DNAJC10: variants seen among roughly 807,000 people sequenced by gnomAD.
DNAJC10 encodes the protein DnaJ heat shock protein family (Hsp40) member C10.
DNAJC10 carries 101 observed loss-of-function variants against 115.0 expected under a neutral mutation model. That is an observed-to-expected ratio of 0.88 (90% CI 0.75 to 1.04). The LOEUF (loss-of-function observed/expected upper bound fraction) is 1.04, where lower values mean the gene tolerates loss of function less well. Among genes scored for constraint, DNAJC10 ranks in the 50% least tolerant of loss-of-function variants. The pLI is 0.00. For synonymous variants in DNAJC10, 307 were observed against 301.5 expected (o/e 1.02, Z -0.19); for missense variants, 981 against 928.8 (o/e 1.06, Z -0.73).
chr2:182,746,924 G>C (rs944565270), intron 14 of DNAJC10, among the ~76,000 whole-genome samples: 1 of 151,622 alleles, frequency 6.6e-6, no homozygotes, highest in Admixed American at 6.6e-5. Context: ...GTAAGGAAGG[G>C]ATCCAGTTTC....
chr2:182,728,983 C>T lies in DNAJC10; in HGVS notation c.622C>T (p.Arg208Trp), dbSNP rs372451587. 1.2e-5 allele frequency: 20 copies of T among 1,613,742 alleles called. No homozygotes were observed. Among genetic ancestry groups the T allele is most frequent in the South Asian group, 1.2e-4 (11 of 91,074 alleles). ...VNSYPSLFIF[R>W]SGMAPVKYHG... ...CAGCTATCCCAGCCTCTTCATTTTT[C>T]GGTCTGGAATGGTAAGGGATAAAGT... is the stretch of plus-strand genomic sequence containing the variant. Residue 208 changes from arginine to tryptophan, a missense_variant, in exon 7 of 24, where the codon CGG (arginine) becomes TGG (tryptophan). Transcript: ENST00000264065.
At chr2:182,727,474 A>G (rs79329982) in intron 5 of DNAJC10, among the ~76,000 whole-genome samples, 1 of 152,226 alleles carries the variant, frequency 6.6e-6, no homozygotes, top group Non-Finnish European at 1.5e-5. Flanking sequence ...GTCTAAACCA[A>G]TATGGCAATT....
intron 1 of DNAJC10, among the ~76,000 whole-genome samples, chr2:182,716,794 A>G (rs1267848545): frequency 2.0e-5 from 3 of 152,112 alleles, no homozygotes; most frequent in African/African-American, 7.2e-5. Context: ...CCCACTCTGC[A>G]GTGATGGCAA....
chr2:182,780,724 C>G lies in DNAJC10; in HGVS notation c.*3592C>G, dbSNP rs1694825898. 6 of 152,150 alleles carry G rather than the reference C, an allele frequency of 3.9e-5. No individual in the cohort carries two copies. In the South Asian group the frequency reaches 1.0e-3, roughly 26 times the overall value. The allele number at this position is 152,150 out of a possible 1,614,324, so 9.4% of individuals were successfully genotyped here. A position where few individuals can be genotyped will look rare whatever the true frequency, so the allele number is the denominator to read the frequency against. On this transcript the variant is annotated 3_prime_UTR_variant, in exon 24 of 24. Transcript: ENST00000264065. ...TTACACTTAGATTCTTGTACTGTCA[C>G]TGAGTCCCCTTGTAAACAGCTAGGT...
Position 182,729,229 on chromosome 2 carries a change from A to G in DNAJC10, c.633+235A>G, listed in dbSNP as rs144197223. 2.3e-3 allele frequency: 842 copies of G among 358,344 alleles called. 12 individuals are homozygous for G. The highest frequency in any genetic ancestry group is 0.017 in the African/African-American group (796 of 46,370). 22.2% of individuals were successfully genotyped at this position (358,344 alleles called of 1,614,324 possible). A position where few individuals can be genotyped will look rare whatever the true frequency, so the allele number is the denominator to read the frequency against. On this transcript the variant is annotated intron_variant, in intron 7 of 23. Coordinates refer to ENST00000264065, the MANE Select transcript of DNAJC10 (RefSeq NM_018981.4). Reference sequence around the variant, plus strand: ...AAGGGTGCAGTCTCGGCTCACTGCAACCTCTGCCTCCTGGGCTCAAGCAGT... The same window carrying G: ...AAGGGTGCAGTCTCGGCTCACTGCAGCCTCTGCCTCCTGGGCTCAAGCAGT...
intron 18 of DNAJC10, among the ~76,000 whole-genome samples, chr2:182,757,001 T>A (rs1694174029): frequency 1.3e-5 from 2 of 152,300 alleles, no homozygotes; most frequent in South Asian, 2.1e-4. Flanking sequence ...CATATTTGTT[T>A]CAATTTTTTC....
chr2:182,743,150 C>T (rs1440796349), intron 13 of DNAJC10, among the ~76,000 whole-genome samples: 1 of 152,122 alleles, frequency 6.6e-6, no homozygotes, highest in African/African-American at 2.4e-5. Flanking sequence ...CCTGGCCCTT[C>T]TTGTTTCTTA....
intron 22 of DNAJC10, among the ~76,000 whole-genome samples, chr2:182,766,876 C>T (rs1574954762): frequency 6.6e-6 from 1 of 151,906 alleles, no homozygotes. Context: ...GTTGCCTGAA[C>T]GGGGCCAACA....
At chr2:182,731,659 A>G (rs1693450527) in intron 9 of DNAJC10, among the ~76,000 whole-genome samples, 1 of 152,186 alleles carries the variant, frequency 6.6e-6, no homozygotes, top group African/African-American at 2.4e-5. Flanking sequence ...TTCTAAGACA[A>G]CAAAATATTA....
Position 182,755,079 on chromosome 2 carries a change from C to T in DNAJC10, c.1628C>T (p.Ala543Val). ...NIHEYEGHHS[A>V]EQILEFIEDL... ...CATGAGTATGAAGGACATCACTCTG[C>T]TGAACAAATCTTGGAGTTCATAGAG... Residue 543 changes from alanine to valine, a missense_variant, in exon 17 of 24, where the codon GCT (alanine) becomes GTT (valine). By Grantham distance (64) the Ala-to-Val change is moderately conservative. Coordinates refer to ENST00000264065, the MANE Select transcript of DNAJC10 (RefSeq NM_018981.4). 1 of 1,605,016 alleles carries T rather than the reference C, an allele frequency of 6.2e-7. No individual in the cohort carries two copies. Among genetic ancestry groups the T allele is most frequent in the Non-Finnish European group, 8.5e-7 (1 of 1,171,988 alleles).
In DNAJC10 at chr2:182,757,902, A is replaced by C. The variant is rs1027232593; in HGVS notation, c.1943+77A>C. ...ACTTAACAGTTAAGTTACCTGAACA[A>C]AATAAAAGTTAACCCAACAAATATT... On this transcript the variant is annotated intron_variant, in intron 19 of 23. Transcript: ENST00000264065. The C allele has an allele frequency of 8.2e-6, 7 of 856,476 alleles. No individual in the cohort carries two copies. In the African/African-American group the frequency reaches 1.2e-4, roughly 15 times the overall value. The allele number at this position is 856,476 out of a possible 1,614,324, so 53.1% of individuals were successfully genotyped here.
At chr2:182,753,579 GTTT>G (rs56151760) in intron 16 of DNAJC10, among the ~76,000 whole-genome samples, 9 of 99,408 alleles carry the variant, frequency 9.1e-5, no homozygotes, top group Admixed American at 2.6e-4. Context: ...CTTTAGTTTA[GTTT>G]TTTTTTTTTT....
At chr2:182,750,282 A>C (rs566223860) in intron 14 of DNAJC10, among the ~76,000 whole-genome samples, 1 of 152,324 alleles carries the variant, frequency 6.6e-6, no homozygotes, top group South Asian at 2.1e-4. Flanking sequence ...GACTGGGTGA[A>C]GAAACACTAG....
At chr2:182,733,827 A>AGATT (rs1553488441) in intron 10 of DNAJC10, among the ~76,000 whole-genome samples, 4,156 of 143,882 alleles carry the variant, frequency 0.029, 99 homozygotes, top group South Asian at 0.05. Flanking sequence ...ATAGATAGAT[A>AGATT]GATTTTCTAC....
chr2:182,741,777 T>C (rs991082910), intron 13 of DNAJC10, among the ~76,000 whole-genome samples: 1 of 152,218 alleles, frequency 6.6e-6, no homozygotes. Flanking sequence ...ATTTACTCTA[T>C]ATAACCATTT....
intron 22 of DNAJC10, among the ~76,000 whole-genome samples, chr2:182,768,423 A>G (rs1356672985): frequency 1.3e-5 from 2 of 152,180 alleles, no homozygotes; most frequent in African/African-American, 2.4e-5. Flanking sequence ...TGTCCAGAGG[A>G]GTCCAGGGGA....
At chr2:182,749,155 G>A (rs1363662547) in intron 14 of DNAJC10, among the ~76,000 whole-genome samples, 1 of 150,806 alleles carries the variant, frequency 6.6e-6, no homozygotes, top group African/African-American at 2.5e-5. Context: ...GGAGAGTTCT[G>A]TAGATGTCTA....
At chr2:182,737,713 G>A (rs921717403) in intron 11 of DNAJC10, among the ~76,000 whole-genome samples, 1 of 152,136 alleles carries the variant, frequency 6.6e-6, no homozygotes, top group Non-Finnish European at 1.5e-5. Context: ...AAATTTAAAT[G>A]CCTATAACCA....
In DNAJC10 at chr2:182,777,225, A is replaced by G; in HGVS notation, c.*93A>G. The G allele has an allele frequency of 1.3e-6, 1 of 760,074 alleles. No individual in the cohort carries two copies. Among genetic ancestry groups the G allele is most frequent in the South Asian group, 3.4e-5 (1 of 29,458 alleles). 47.1% of individuals were successfully genotyped at this position (760,074 alleles called of 1,614,324 possible). On this transcript the variant is annotated 3_prime_UTR_variant, in exon 24 of 24. Transcript: ENST00000264065. ...GAATGTTACATTTATGATGGGAATG[A>G]ATGAACATTATCTTAGACTTGCAGT...
Sources: gnomAD v4.1 joint callset for allele counts (sites outside exome capture counted in the v4.1 genomes callset) on GRCh38, gnomAD v4.1.1 for gene constraint, MANE v1.5 for transcripts, NCBI Gene and HGNC (gene_info 2026-07-23, HGNC 2026-07-21) for gene names.